RAPGEF2: variants seen among roughly 807,000 people sequenced by gnomAD.
RAPGEF2 encodes Rap guanine nucleotide exchange factor 2, also known as PDZ domain containing guanine nucleotide exchange factor (GEF) 1.
In RAPGEF2, 54 loss-of-function variants were observed where a neutral mutation model predicts 186.7. The observed-to-expected ratio is 0.29, with a 90% CI of 0.23 to 0.36. RAPGEF2 has a LOEUF of 0.36. Ranked by LOEUF, RAPGEF2 falls within the 10% of genes least tolerant of loss-of-function variation. The probability of loss-of-function intolerance (pLI) is 1.00; values close to 1 mark genes in which losing one functional copy is unlikely to be tolerated. For synonymous variants in RAPGEF2, 712 were observed against 705.9 expected, an observed-to-expected ratio of 1.01 and a Z score of -0.14; for missense variants, 1,532 against 2,045.0, an observed-to-expected ratio of 0.75 and a Z score of 4.84.
intron 28 of RAPGEF2, 23 bp from the exon 29 acceptor site, chr4:159,355,830 C>G (rs1346588344): frequency 4.6e-6 from 7 of 1,521,858 alleles, no homozygotes; most frequent in Middle Eastern, 2.2e-4. Flanking sequence ...GTTTTTAATG[C>G]TGGTGCATTG....
At chr4:159,126,107 A>C (rs1740271205) in intron 1 of RAPGEF2, among the ~76,000 whole-genome samples, 1 of 152,244 alleles carries the variant, frequency 6.6e-6, no homozygotes, top group Non-Finnish European at 1.5e-5. Context: ...ATTTGAAAGT[A>C]TAAAAATTGA....
intron 4 of RAPGEF2, among the ~76,000 whole-genome samples, chr4:159,219,717 C>A (rs965496306): frequency 7.2e-5 from 11 of 152,112 alleles, no homozygotes; most frequent in African/African-American, 1.2e-4. Flanking sequence ...GCAAAAATGA[C>A]CAGAACTGAT....
rs114761080 is a variant in RAPGEF2 at position 159,197,603 on chromosome 4, G to A, written c.197+4347G>A. 3.5e-3 allele frequency among the ~76,000 whole-genome samples: 538 copies of A among 152,276 alleles called. 1 individual carries two copies. Among genetic ancestry groups the A allele is most frequent in the African/African-American group, 0.012 (510 of 41,544 alleles). Reference sequence around the variant, plus strand: ...GTTCTCCATAAAAGAGCTACATTGAGGCCTGTTGGGTCTTTTAAAGCATTT... The same window carrying A: ...GTTCTCCATAAAAGAGCTACATTGAAGCCTGTTGGGTCTTTTAAAGCATTT... On this transcript the variant is annotated intron_variant, in intron 3 of 29. Coordinates refer to ENST00000691494, the MANE Select transcript of RAPGEF2 (RefSeq NM_001394067.2).
chr4:159,341,660 C>G lies in RAPGEF2; in HGVS notation c.2631C>G (p.Leu877=). ...AGAGTCAAATTTCCCTCCTTCAGCTCAGCACTGTGGAAGTTGCAACACAGC... is the reference window on the plus strand; with the variant it reads ...AGAGTCAAATTTCCCTCCTTCAGCTGAGCACTGTGGAAGTTGCAACACAGC... ...LRESQISLLQ[L]STVEVATQLS... The change falls in exon 20 of 30, where the codon CTC becomes CTG. Residue 877 remains leucine (L), a synonymous_variant. Transcript: ENST00000691494. 1.2e-6 allele frequency: 2 copies of G among 1,614,084 alleles called. No homozygotes were observed. The highest frequency in any genetic ancestry group is 1.7e-6 in the Non-Finnish European group (2 of 1,179,956).
intron 7 of RAPGEF2, among the ~76,000 whole-genome samples, chr4:159,286,598 C>G (rs1228190234): frequency 6.6e-6 from 1 of 152,190 alleles, no homozygotes; most frequent in Non-Finnish European, 1.5e-5. Context: ...CCCACTTGTT[C>G]TTCTTACCTC....
intron 2 of RAPGEF2, among the ~76,000 whole-genome samples, chr4:159,190,562 A>G (rs1040553321): frequency 3.3e-5 from 5 of 152,236 alleles, no homozygotes; most frequent in African/African-American, 1.2e-4. Flanking sequence ...CTATAAGGCC[A>G]TACCCGAGAC....
intron 8 of RAPGEF2, among the ~76,000 whole-genome samples, chr4:159,313,866 A>G (rs1764238095): frequency 6.6e-6 from 1 of 152,080 alleles, no homozygotes; most frequent in South Asian, 2.1e-4. Context: ...GGTGACCTAG[A>G]AAGGATAACT....
chr4:159,174,752 C>CTTTTT (rs1561045138), intron 1 of RAPGEF2, among the ~76,000 whole-genome samples: 2 of 112,566 alleles, frequency 1.8e-5, no homozygotes, highest in African/African-American at 9.8e-5. Flanking sequence ...CATGTCTTTT[C>CTTTTT]TTTCTTTCTT....
chr4:159,165,303 A>G, intron 1 of RAPGEF2, among the ~76,000 whole-genome samples: 1 of 152,182 alleles, frequency 6.6e-6, no homozygotes, highest in East Asian at 1.9e-4. Context: ...AACTGGTACA[A>G]AGTTTTAATC....
At chr4:159,351,032 T>C in intron 26 of RAPGEF2, 3 of 1,520,396 alleles carry the variant, frequency 2.0e-6, no homozygotes, top group Non-Finnish European at 2.6e-6. Flanking sequence ...TGGATGCATC[T>C]CAATTCTTTT....
chr4:159,324,107 T>C (rs947022846), intron 11 of RAPGEF2, among the ~76,000 whole-genome samples: 2 of 151,228 alleles, frequency 1.3e-5, no homozygotes, highest in Non-Finnish European at 2.9e-5. Flanking sequence ...ATATTGGCCA[T>C]GCTGGTCTCA....
chr4:159,268,977 C>T (rs779290974), intron 7 of RAPGEF2, among the ~76,000 whole-genome samples: 9 of 152,078 alleles, frequency 5.9e-5, no homozygotes, highest in Non-Finnish European at 1.2e-4. Flanking sequence ...AAAATGCAAA[C>T]GCATAAATTT....
Position 159,261,570 on chromosome 4 carries a change from A to G in RAPGEF2, c.543+17779A>G, listed in dbSNP as rs537798460. On this transcript the variant is annotated intron_variant, in intron 7 of 29. Coordinates refer to ENST00000691494, the MANE Select transcript of RAPGEF2 (RefSeq NM_001394067.2). Reference sequence around the variant, plus strand: ...TATAACTGTGTTTGAGATGTTTACAAAGATCCACCCTTTAATCCTCTTCTT... The same window carrying G: ...TATAACTGTGTTTGAGATGTTTACAGAGATCCACCCTTTAATCCTCTTCTT... Among the ~76,000 whole-genome samples, 4 of 152,330 alleles carry G rather than the reference A, an allele frequency of 2.6e-5. No individual in the cohort carries two copies. In the South Asian group the frequency reaches 8.3e-4, roughly 32 times the overall value.
At chr4:159,313,242 C>T (rs1262866417) in intron 8 of RAPGEF2, among the ~76,000 whole-genome samples, 1 of 152,214 alleles carries the variant, frequency 6.6e-6, no homozygotes, top group African/African-American at 2.4e-5. Context: ...ATATAAGCCA[C>T]ATTCATATTC....
At chr4:159,311,000 A>G (rs1009215626) in intron 8 of RAPGEF2, among the ~76,000 whole-genome samples, 6 of 151,758 alleles carry the variant, frequency 4.0e-5, no homozygotes, top group African/African-American at 9.7e-5. Flanking sequence ...TTTTTTTTAT[A>G]AGACTATTGA....
intron 24 of RAPGEF2, among the ~76,000 whole-genome samples, 156 bp from the exon 25 acceptor site, chr4:159,346,633 C>G (rs993786872): frequency 1.3e-5 from 2 of 152,212 alleles, no homozygotes; most frequent in African/African-American, 4.8e-5. Flanking sequence ...GTCCCCCATC[C>G]ATTTTCTGTG....
intron 1 of RAPGEF2, among the ~76,000 whole-genome samples, chr4:159,127,541 C>T (rs995434658): frequency 1.3e-5 from 2 of 152,102 alleles, no homozygotes; most frequent in East Asian, 1.9e-4. Context: ...TTTTAGCTTG[C>T]GTTTCTTCTG....
At chr4:159,241,478 A>C in intron 6 of RAPGEF2, 110 bp downstream of exon 6, 1 of 415,960 alleles carries the variant, frequency 2.4e-6, no homozygotes, top group Non-Finnish European at 3.9e-6. Context: ...TTATATATAT[A>C]TACACACACA....
In RAPGEF2 at chr4:159,342,989, C is replaced by T; in HGVS notation, c.2929C>T (p.Leu977=). Residue 977 remains leucine, a synonymous_variant, in exon 21 of 30, where the codon CTG becomes TTG. Transcript: ENST00000691494. ...TTTTTCTCCTCTCAGTGGCCTAAACCTGGCACCAGTGGCAAGACTGCGAAC... is the reference window on the plus strand; with the variant it reads ...TTTTTCTCCTCTCAGTGGCCTAAACTTGGCACCAGTGGCAAGACTGCGAAC... ...SMFAIISGLN[L]APVARLRTTW... is the part of the protein sequence containing the mutation. The T allele has an allele frequency of 6.2e-7, 1 of 1,613,918 alleles. No individual in the cohort carries two copies. The highest frequency in any genetic ancestry group is 1.1e-5 in the South Asian group (1 of 91,058).
Sources: gnomAD v4.1 joint callset for allele counts (sites outside exome capture counted in the v4.1 genomes callset) on GRCh38, gnomAD v4.1.1 for gene constraint, MANE v1.5 for transcripts, NCBI Gene and HGNC (gene_info 2026-07-23, HGNC 2026-07-21) for gene names.